Variants in DAB2 observed in about 807,000 individuals in gnomAD.
DAB2 encodes the protein disabled homolog 2.
A neutral mutation model predicts 71.6 loss-of-function variants in DAB2; 28 were observed. The observed-to-expected ratio is 0.39, with a 90% CI of 0.29 to 0.54. DAB2 has a LOEUF of 0.54. DAB2 is among the 20% of genes least tolerant of loss of function. DAB2 has a pLI of 0.68. For missense variants in DAB2, 867 were observed against 928.8 expected (o/e 0.93, Z 0.86); for synonymous variants, 345 against 339.7 (o/e 1.02, Z -0.17).
intron 3 of DAB2, 77 bp downstream of exon 3, chr5:39,393,177 C>T: frequency 6.9e-7 from 1 of 1,454,196 alleles, no homozygotes; most frequent in Non-Finnish European, 9.5e-7. Context: ...AACAATAGGT[C>T]AACAAGAGCT....
intron 9 of DAB2, 41 bp from the exon 10 acceptor site, chr5:39,383,312 A>C (rs556904559): frequency 7.0e-7 from 1 of 1,437,646 alleles, no homozygotes; most frequent in East Asian, 2.3e-5. Flanking sequence ...GTGTTAGTCC[A>C]TGTTGTGACT....
intron 3 of DAB2, 138 bp from the exon 4 acceptor site, chr5:39,392,601 C>T (rs758893985): frequency 6.8e-5 from 44 of 649,370 alleles, no homozygotes; most frequent in Non-Finnish European, 8.9e-5. Flanking sequence ...CACTTTTCAT[C>T]CGGGACAGCA....
At chr5:39,381,344 C>G in intron 11 of DAB2, 110 bp downstream of exon 11, 1 of 1,159,362 alleles carries the variant, frequency 8.6e-7, no homozygotes, top group Non-Finnish European at 1.2e-6. Flanking sequence ...CTGGGATGCT[C>G]AAATCTTATG....
At chr5:39,409,988 T>C (rs1755685875) in intron 1 of DAB2, among the ~76,000 whole-genome samples, 1 of 152,186 alleles carries the variant, frequency 6.6e-6, no homozygotes, top group Non-Finnish European at 1.5e-5. Flanking sequence ...AAGTTTCACC[T>C]TAATCTGTAC....
intron 1 of DAB2, among the ~76,000 whole-genome samples, chr5:39,420,000 G>C (rs1276948168): frequency 6.6e-6 from 1 of 152,196 alleles, no homozygotes; most frequent in Non-Finnish European, 1.5e-5. Context: ...TAAAACCACT[G>C]AATTATGAAA....
chr5:39,374,797 G>GTA, intron 14 of DAB2: 1 of 494,442 alleles, frequency 2.0e-6, no homozygotes, highest in Admixed American at 4.1e-5. Flanking sequence ...ATCCCCAAGG[G>GTA]TATATTACTA....
At chr5:39,400,768 T>C (rs970579787) in intron 1 of DAB2, among the ~76,000 whole-genome samples, 10 of 152,156 alleles carry the variant, frequency 6.6e-5, no homozygotes, top group Non-Finnish European at 8.8e-5. Context: ...AAGCCACATA[T>C]AATAGACACA....
At chr5:39,406,198 A>T (rs1052846135) in intron 1 of DAB2, among the ~76,000 whole-genome samples, 5 of 152,152 alleles carry the variant, frequency 3.3e-5, no homozygotes, top group African/African-American at 1.2e-4. Flanking sequence ...AGTCTTAACT[A>T]AAGACCTGGC....
chr5:39,382,691 G>T lies in DAB2; in HGVS notation c.1268C>A (p.Ser423Ter). 4 of 1,614,200 alleles carry T rather than the reference G, an allele frequency of 2.5e-6. No individual in the cohort carries two copies. The highest frequency in any genetic ancestry group is 1.7e-6 in the Non-Finnish European group (2 of 1,180,024). Residue 423 changes from serine (S) to a stop codon, truncating the protein, a stop_gained, in exon 10 of 15, where the codon TCA (serine) becomes TAA (stop). Coordinates refer to ENST00000320816, the MANE Select transcript of DAB2 (RefSeq NM_001343.4). LOFTEE classifies it high-confidence loss of function. ...KQDLESSVQSSPHDSIAIIPP... is the reference protein window; with the variant it reads ...KQDLESSVQS ...GATAATGGCTATGGAGTCATGTGGT[G>T]AGGACTGGACAGAGCTTTCCAAGTC... is the stretch of plus-strand genomic sequence containing the variant.
At chr5:39,410,996 C>CT (rs1436099242) in intron 1 of DAB2, among the ~76,000 whole-genome samples, 4 of 152,138 alleles carry the variant, frequency 2.6e-5, no homozygotes, top group Admixed American at 1.3e-4. Context: ...TGACTTAACA[C>CT]TGGGAGACTT....
chr5:39,384,447 T>TA (rs1755050674), intron 9 of DAB2, among the ~76,000 whole-genome samples: 1 of 152,166 alleles, frequency 6.6e-6, no homozygotes, highest in Non-Finnish European at 1.5e-5. Context: ...TACTCACTTA[T>TA]TTTCAGACCA....
In DAB2 at chr5:39,409,886, G is replaced by T. The variant is rs1011821357; in HGVS notation, c.-102+14918C>A. Among the ~76,000 whole-genome samples the T allele has an allele frequency of 2.6e-5, 4 of 152,142 alleles. No individual in the cohort carries two copies. In the East Asian group the frequency reaches 7.7e-4, roughly 29 times the overall value. ...TTAAAGTGAATGATAGTGTTTCGGAGAACTAAGACTTCTTAGGAAGGAATA... is the reference window on the plus strand; with the variant it reads ...TTAAAGTGAATGATAGTGTTTCGGATAACTAAGACTTCTTAGGAAGGAATA... On this transcript the variant is annotated intron_variant, in intron 1 of 14. Coordinates refer to ENST00000320816, the MANE Select transcript of DAB2 (RefSeq NM_001343.4).
chr5:39,421,391 G>A (rs2112118074), intron 1 of DAB2, among the ~76,000 whole-genome samples: 1 of 152,280 alleles, frequency 6.6e-6, no homozygotes, highest in Non-Finnish European at 1.5e-5. Flanking sequence ...TGTCTTCCCA[G>A]CAATCCTGGG....
chr5:39,393,090 T>G (rs1432304578), intron 3 of DAB2, among the ~76,000 whole-genome samples, 164 bp downstream of exon 3: 3 of 152,196 alleles, frequency 2.0e-5, no homozygotes, highest in Non-Finnish European at 2.9e-5. Context: ...CCTCCAAATA[T>G]GCAAACACTC....
chr5:39,396,153 T>C (rs1256274229), intron 1 of DAB2, among the ~76,000 whole-genome samples: 1 of 152,010 alleles, frequency 6.6e-6, no homozygotes, highest in South Asian at 2.1e-4. Context: ...TTCACCATGT[T>C]GGTCAGGCTG....
intron 1 of DAB2, among the ~76,000 whole-genome samples, chr5:39,400,846 T>A (rs1375005359): frequency 6.6e-6 from 1 of 152,090 alleles, no homozygotes; most frequent in East Asian, 1.9e-4. Context: ...GTCCAGTACT[T>A]TGTACTGGAC....
At chr5:39,411,775 C>A (rs771881015) in intron 1 of DAB2, among the ~76,000 whole-genome samples, 21 of 152,114 alleles carry the variant, frequency 1.4e-4, no homozygotes, top group Non-Finnish European at 2.2e-4. Flanking sequence ...AAGTAATGAC[C>A]AAGCCCTTCC....
intron 1 of DAB2, among the ~76,000 whole-genome samples, chr5:39,395,937 C>CTTTTATTT (rs1755356523): frequency 8.0e-5 from 6 of 74,858 alleles, no homozygotes; most frequent in Non-Finnish European, 1.2e-4. Flanking sequence ...CACAGATATT[C>CTTTTATTT]TTTTTTTTTT....
Position 39,389,838 on chromosome 5 carries a change from CA to C in DAB2, c.543+13del. On this transcript the variant is annotated intron_variant, in intron 6 of 14. Transcript: ENST00000320816. ...GTTTTAAATTTAATAGAGCCTTAAT[CA>C]GGTAGTACTTGCCTTTTTCTTTTCT... is the stretch of plus-strand genomic sequence containing the variant. The C allele has an allele frequency of 1.4e-6, 2 of 1,413,072 alleles. No individual in the cohort carries two copies. The highest frequency in any genetic ancestry group is 2.0e-6 in the Non-Finnish European group (2 of 1,010,336). 87.5% of individuals were successfully genotyped at this position (1,413,072 alleles called of 1,614,324 possible).
Sources: gnomAD v4.1 joint callset for allele counts (sites outside exome capture counted in the v4.1 genomes callset) on GRCh38, gnomAD v4.1.1 for gene constraint, MANE v1.5 for transcripts, NCBI Gene and HGNC (gene_info 2026-07-23, HGNC 2026-07-21) for gene names.